KLF15: variants seen among roughly 807,000 people sequenced by gnomAD.
KLF15 encodes Krueppel-like factor 15.
A neutral mutation model predicts 24.6 loss-of-function variants in KLF15; 4 were observed. The observed-to-expected ratio is 0.16, with a 90% confidence interval of 0.08 to 0.37. The LOEUF is 0.37. Ranked by LOEUF, KLF15 falls within the 10% of genes least tolerant of loss-of-function variation. KLF15 has a pLI of 1.00. For missense variants in KLF15, 496 were observed against 560.6 expected, an observed-to-expected ratio of 0.88 and a Z score of 1.16; for synonymous variants, 246 against 236.3, an observed-to-expected ratio of 1.04 and a Z score of -0.37.
At chr3:126,312,298 T>C in the KLF15 span, among the ~76,000 whole-genome samples, 1 of 152,198 alleles carries the variant, frequency 6.6e-6, no homozygotes, top group Non-Finnish European at 1.5e-5. Context: ...TTCAGCCTCC[T>C]GAGTAGCTGG....
chr3:126,352,634 C>T lies in KLF15; in HGVS notation c.289G>A (p.Gly97Arg). ...CAGGCCACGGGGCCACTGCTGGCCC[C>T]AATGCTACTGCCGCTGCCCCCGCCA... Reference protein sequence around the residue: ...GSGGGSGSSIGASSGPVAWGP... With the variant: ...GSGGGSGSSIRASSGPVAWGP... The change falls in exon 2 of 3, where the codon GGG (glycine) becomes AGG (arginine). Residue 97 changes from glycine to arginine, a missense_variant. Gly to Arg is a moderately radical substitution (Grantham distance 125). Around this residue, in one of 3 missense-constraint regions of KLF15, gnomAD observed 399 missense variants for 423.1 expected, o/e 0.94. Transcript: ENST00000296233. The T allele has an allele frequency of 2.5e-6, 4 of 1,597,102 alleles. No homozygotes were observed. The highest frequency in any genetic ancestry group is 1.1e-5 in the South Asian group (1 of 89,492).
the KLF15 span, among the ~76,000 whole-genome samples, chr3:126,331,997 G>A: frequency 1.3e-5 from 2 of 152,190 alleles, no homozygotes; most frequent in African/African-American, 4.8e-5. Context: ...CTGGGGGAGG[G>A]GCGCCCGCCA....
At chr3:126,290,884 G>T in the KLF15 span, 1 of 152,190 alleles carries the variant, frequency 6.6e-6, no homozygotes, top group African/African-American at 2.4e-5. Flanking sequence ...CTTGTCAAAA[G>T]GTCTCATTCT....
the KLF15 span, among the ~76,000 whole-genome samples, chr3:126,297,188 A>G: frequency 2.6e-5 from 4 of 151,736 alleles, no homozygotes; most frequent in Non-Finnish European, 5.9e-5. Context: ...CCTGTTTTAT[A>G]TTTGCTTAAA....
At chr3:126,308,543 AC>A in the KLF15 span, among the ~76,000 whole-genome samples, 5 of 151,844 alleles carry the variant, frequency 3.3e-5, no homozygotes, top group Admixed American at 1.3e-4. Flanking sequence ...CTCAAGTGCG[AC>A]CCTGGCGCTC....
Position 126,342,830 on chromosome 3 carries a change from G to A in KLF15, c.*897C>T, listed in dbSNP as rs2082489534. 6.6e-6 allele frequency: 1 copy of A among 152,464 alleles called. No homozygotes were observed. The highest frequency in any genetic ancestry group is 1.5e-5 in the Non-Finnish European group (1 of 68,012). The allele number at this position is 152,464 out of a possible 1,614,324, so 9.4% of individuals were successfully genotyped here. ...TACAGTTTATTTACATACATTCATA[G>A]GATGTGAAATAAACCTGTCAAAACA... On this transcript the variant is annotated 3_prime_UTR_variant, in exon 3 of 3. Transcript: ENST00000296233.
chr3:126,341,039 C>T (rs149126018), downstream of KLF15, among the ~76,000 whole-genome samples: 2,237 of 152,330 alleles, frequency 0.015, 24 homozygotes, highest in Non-Finnish European at 0.018. Flanking sequence ...CTAGAGAGGT[C>T]TAGGACACAC....
chr3:126,343,777 T>C lies in KLF15; in HGVS notation c.1201A>G (p.Lys401Glu). 6.2e-7 allele frequency: 1 copy of C among 1,612,086 alleles called. No homozygotes were observed. Among genetic ancestry groups the C allele is most frequent in the Non-Finnish European group, 8.5e-7 (1 of 1,179,920 alleles). The change falls in exon 3 of 3, where the codon AAG becomes GAG. Residue 401 changes from lysine to glutamate, a missense_variant. By Grantham distance (56) the Lys-to-Glu change is moderately conservative. Coordinates refer to ENST00000296233, the MANE Select transcript of KLF15 (RefSeq NM_014079.4). ...CTGCTCCGCGGGAAGCGGTGCACCT[T>C]GATGTGCTTGGAGAGGTGGTCGCTC... ...ARSDHLSKHIKVHRFPRSSRS... is the reference protein window; with the variant it reads ...ARSDHLSKHIEVHRFPRSSRS...
the KLF15 span, among the ~76,000 whole-genome samples, chr3:126,296,029 T>C: frequency 6.6e-6 from 1 of 152,214 alleles, no homozygotes; most frequent in Non-Finnish European, 1.5e-5. Flanking sequence ...CCATTGCTGT[T>C]GTCCCTGTAC....
downstream of KLF15, among the ~76,000 whole-genome samples, chr3:126,341,407 C>T (rs2082478713): frequency 6.6e-6 from 1 of 152,210 alleles, no homozygotes; most frequent in Admixed American, 6.5e-5. Context: ...CAACAATCCT[C>T]CCTGTCCCTC....
At chr3:126,329,919 T>G in the KLF15 span, among the ~76,000 whole-genome samples, 1 of 152,136 alleles carries the variant, frequency 6.6e-6, no homozygotes, top group Admixed American at 6.5e-5. Context: ...CTCTACTTAC[T>G]GTTGCAGTTT....
the KLF15 span, among the ~76,000 whole-genome samples, chr3:126,303,331 T>G: frequency 1.3e-5 from 2 of 152,014 alleles, no homozygotes; most frequent in Non-Finnish European, 2.9e-5. Context: ...TTTGGAGTGG[T>G]TCTGTTGGTA....
At chr3:126,337,335 C>A in the KLF15 span, among the ~76,000 whole-genome samples, 1 of 135,976 alleles carries the variant, frequency 7.4e-6, no homozygotes, top group African/African-American at 2.9e-5. Flanking sequence ...AACAAAAAAC[C>A]AAACACCGCA....
At chr3:126,353,935 C>G (rs919404408) in intron 1 of KLF15, 2 of 152,386 alleles carry the variant, frequency 1.3e-5, no homozygotes, top group Non-Finnish European at 2.9e-5. Context: ...CAACCACCCC[C>G]CCAGCCCATC....
chr3:126,294,904 C>G, the KLF15 span, among the ~76,000 whole-genome samples: 35 of 148,174 alleles, frequency 2.4e-4, no homozygotes, highest in African/African-American at 7.7e-4. Context: ...CACACACACA[C>G]AGATACGTAC....
At chr3:126,330,493 C>A in the KLF15 span, among the ~76,000 whole-genome samples, 3 of 151,948 alleles carry the variant, frequency 2.0e-5, no homozygotes, top group Non-Finnish European at 2.9e-5. Context: ...ACATCATATG[C>A]GATAAAAGTC....
chr3:126,306,183 C>T, the KLF15 span, among the ~76,000 whole-genome samples: 1 of 152,168 alleles, frequency 6.6e-6, no homozygotes, highest in Admixed American at 6.5e-5. Flanking sequence ...ATTTTGGTAT[C>T]AGAAGCACTC....
the KLF15 span, among the ~76,000 whole-genome samples, chr3:126,329,554 C>T: frequency 6.6e-6 from 1 of 152,122 alleles, no homozygotes; most frequent in Non-Finnish European, 1.5e-5. Flanking sequence ...TAGGATGTTT[C>T]AGTAATTTGT....
At chr3:126,289,549 C>T in the KLF15 span, among the ~76,000 whole-genome samples, 1 of 152,298 alleles carries the variant, frequency 6.6e-6, no homozygotes, top group Admixed American at 6.5e-5. Context: ...GGAGCATATC[C>T]TCAACTTCAC....
Sources: allele counts gnomAD v4.1 joint callset (sites outside exome capture counted in the v4.1 genomes callset), GRCh38; gene constraint gnomAD v4.1.1; regional missense constraint gnomAD v4.1.1; transcripts MANE v1.5; gene names NCBI Gene and HGNC (gene_info 2026-07-23, HGNC 2026-07-21).